COL27A1: variants seen among roughly 807,000 people sequenced by gnomAD.
The protein encoded by COL27A1 is collagen type XXVII alpha 1 chain, also known as collagen alpha-1(XXVII) chain.
Under a neutral mutation model 251.3 loss-of-function variants are expected in COL27A1, and 106 were observed. That is an observed-to-expected ratio of 0.42 (90% CI 0.36 to 0.50). COL27A1 has a LOEUF of 0.50. Among genes scored for constraint, COL27A1 ranks in the 20% least tolerant of loss-of-function variants. The pLI is 0.00. For synonymous variants in COL27A1, 1,000 were observed against 986.3 expected, an observed-to-expected ratio of 1.01 and a Z score of -0.26; for missense variants, 2,325 against 2,522.8, an observed-to-expected ratio of 0.92 and a Z score of 1.68.
chr9:114,307,096 C>T lies in COL27A1; in HGVS notation c.5107+408C>T, dbSNP rs1829106752. The T allele has an allele frequency of 1.5e-5, 3 of 196,004 alleles. No individual in the cohort carries two copies. In the South Asian group the frequency reaches 2.8e-4, roughly 18 times the overall value. The allele number at this position is 196,004 out of a possible 1,614,324, so 12.1% of individuals were successfully genotyped here. A position where few individuals can be genotyped will look rare whatever the true frequency, so the allele number is the denominator to read the frequency against. On this transcript the variant is annotated intron_variant, in intron 58 of 60. Coordinates refer to ENST00000356083, the MANE Select transcript of COL27A1 (RefSeq NM_032888.4). ...CTGAGTTCCAATGTCAGTTCTGCCT[C>T]AGACTTGGTCTGTGAGCTGGGGCAA...
intron 45 of COL27A1, 73 bp from the exon 46 acceptor site, chr9:114,289,985 C>A: frequency 6.6e-7 from 1 of 1,511,798 alleles, no homozygotes. Flanking sequence ...TCCTCTCAGT[C>A]CCTCCTTCCA....
chr9:114,305,453 G>T (rs541854368), intron 57 of COL27A1, among the ~76,000 whole-genome samples: 3 of 152,304 alleles, frequency 2.0e-5, no homozygotes, highest in East Asian at 3.9e-4. Flanking sequence ...ACAGGAGAGC[G>T]CTGACCTGCA....
At chr9:114,234,653 C>G (rs1832230393) in intron 16 of COL27A1, among the ~76,000 whole-genome samples, 1 of 152,178 alleles carries the variant, frequency 6.6e-6, no homozygotes, top group African/African-American at 2.4e-5. Flanking sequence ...GTCACGAAGC[C>G]TGTGCAGTAC....
chr9:114,189,062 G>C (rs996004213), intron 5 of COL27A1, among the ~76,000 whole-genome samples: 4 of 152,156 alleles, frequency 2.6e-5, no homozygotes, highest in African/African-American at 9.7e-5. Flanking sequence ...TAATGTGTCA[G>C]ATAATCTCAG....
At chr9:114,227,016 C>T (rs550144622) in intron 14 of COL27A1, among the ~76,000 whole-genome samples, 1 of 152,280 alleles carries the variant, frequency 6.6e-6, no homozygotes, top group South Asian at 2.1e-4. Flanking sequence ...GACAAATGGG[C>T]ATTAACAATG....
At chr9:114,175,240 C>T (rs1439063502) in intron 3 of COL27A1, among the ~76,000 whole-genome samples, 1 of 152,224 alleles carries the variant, frequency 6.6e-6, no homozygotes, top group African/African-American at 2.4e-5. Context: ...TGAGCCCCCG[C>T]TCTGCTCCCC....
chr9:114,243,527 G>T lies in COL27A1; in HGVS notation c.2901G>T (p.Gly967=). The part of the protein sequence containing the change: ...PGLEGQPGRK[G]FPGRPGLDGV... ...TGCAGGGTCAGCCTGGCAGGAAGGG[G>T]TTTCCTGGGAGGCCCGGCCTGGATG... is the stretch of plus-strand genomic sequence containing the variant. The change falls in exon 23 of 61, where the codon GGG becomes GGT. Residue 967 remains glycine (G), a synonymous_variant. Coordinates refer to ENST00000356083, the MANE Select transcript of COL27A1 (RefSeq NM_032888.4). The T allele has an allele frequency of 6.2e-7, 1 of 1,613,942 alleles. No individual in the cohort carries two copies. Among genetic ancestry groups the T allele is most frequent in the South Asian group, 1.1e-5 (1 of 91,068 alleles).
upstream of COL27A1, among the ~76,000 whole-genome samples, chr9:114,154,353 C>T (rs545207547): frequency 4.0e-4 from 61 of 152,228 alleles, no homozygotes; most frequent in African/African-American, 1.3e-3. This position sits in a 1 kb window ranked among gnomAD's most constrained non-coding sequence, Gnocchi z 5.8. Flanking sequence ...ACCGGCCAGC[C>T]TCGCACGTAG....
chr9:114,270,799 G>C lies in COL27A1; in HGVS notation c.3609+18G>C. ...GGCTGAAGGTAAGTGCCCTTTTAGGGCAGGGCCTGGGGACCCCGGCAGGGC... is the reference window on the plus strand; with the variant it reads ...GGCTGAAGGTAAGTGCCCTTTTAGGCCAGGGCCTGGGGACCCCGGCAGGGC... On this transcript the variant is annotated intron_variant, in intron 36 of 60. Coordinates refer to ENST00000356083, the MANE Select transcript of COL27A1 (RefSeq NM_032888.4). The C allele has an allele frequency of 6.2e-7, 1 of 1,606,106 alleles. No homozygotes were observed. The highest frequency in any genetic ancestry group is 8.5e-7 in the Non-Finnish European group (1 of 1,173,924).
intron 3 of COL27A1, among the ~76,000 whole-genome samples, chr9:114,175,308 AC>A (rs1159024704): frequency 2.6e-5 from 4 of 151,970 alleles, no homozygotes; most frequent in African/African-American, 9.7e-5. Context: ...GGAAAATCCC[AC>A]CCCGGCCTCG....
chr9:114,156,161 T>A (rs1848108306), intron 1 of COL27A1, 149 bp downstream of exon 1: 1 of 1,201,380 alleles, frequency 8.3e-7, no homozygotes, highest in African/African-American at 1.6e-5. Context: ...CGCCAAGGGT[T>A]AATAGGGGCT....
At chr9:114,155,299 C>T (rs1165734375), upstream of COL27A1, among the ~76,000 whole-genome samples, 1 of 152,052 alleles carries the variant, frequency 6.6e-6, no homozygotes, top group Non-Finnish European at 1.5e-5. The surrounding 1 kb of genome is among the most constrained non-coding windows in gnomAD (Gnocchi z 5.5). Flanking sequence ...GTGATCAAAT[C>T]ACCGTGAAGC....
chr9:114,206,421 C>T (rs1418356796), intron 10 of COL27A1, 125 bp downstream of exon 10: 17 of 949,894 alleles, frequency 1.8e-5, no homozygotes, highest in East Asian at 2.6e-5. Context: ...TGAGTGCTCC[C>T]GGACAACAGA....
Position 114,292,222 on chromosome 9 carries a change from C to T in COL27A1, c.4584+12C>T, listed in dbSNP as rs1448708693. On this transcript the variant is annotated intron_variant, in intron 49 of 60. Transcript: ENST00000356083. The stretch of plus-strand genomic sequence containing the variant: ...CCAAAGGCCAGCCGGTGAGTGAGCG[C>T]CAAAGAATACACATGCCCACGCACT... The T allele has an allele frequency of 2.6e-6, 4 of 1,543,794 alleles. No individual in the cohort carries two copies. In the East Asian group the frequency reaches 7.3e-5, roughly 28 times the overall value.
intron 49 of COL27A1, among the ~76,000 whole-genome samples, chr9:114,294,270 G>T (rs202050264): frequency 4.0e-4 from 46 of 115,986 alleles, no homozygotes; most frequent in Non-Finnish European, 6.4e-4. Context: ...AAAAAAAAAA[G>T]AAGGAATACC....
At chr9:114,308,872 G>T (rs543888538) in intron 59 of COL27A1, among the ~76,000 whole-genome samples, 1 of 152,316 alleles carries the variant, frequency 6.6e-6, no homozygotes, top group South Asian at 2.1e-4. Context: ...CTTAGGAAGG[G>T]TCTCGAAAAC....
intron 49 of COL27A1, among the ~76,000 whole-genome samples, chr9:114,293,976 C>T (rs1258601737): frequency 1.1e-4 from 16 of 152,024 alleles, no homozygotes; most frequent in Admixed American, 3.9e-4. Flanking sequence ...CGGTGGCTTA[C>T]GCCTGTAATC....
At chr9:114,276,895 G>A (rs966969491) in intron 37 of COL27A1, among the ~76,000 whole-genome samples, 2 of 152,222 alleles carry the variant, frequency 1.3e-5, no homozygotes, top group African/African-American at 2.4e-5. Context: ...ATGCTTTCTC[G>A]AAGGTTCCCT....
intron 24 of COL27A1, among the ~76,000 whole-genome samples, chr9:114,247,566 A>G (rs537926928): frequency 6.6e-6 from 1 of 152,334 alleles, no homozygotes; most frequent in South Asian, 2.1e-4. Context: ...CAAGTGGGAT[A>G]GTGGTAGAAC....
Sources: allele counts gnomAD v4.1 joint callset (sites outside exome capture counted in the v4.1 genomes callset), GRCh38; gene constraint gnomAD v4.1.1; non-coding constraint Gnocchi (gnomAD v3.1); transcripts MANE v1.5; gene names NCBI Gene and HGNC (gene_info 2026-07-23, HGNC 2026-07-21).